Variants in CSMD1 observed in about 807,000 individuals in gnomAD.
CSMD1 encodes CUB and Sushi multiple domains 1, also known as CUB and sushi domain-containing protein 1.
A neutral mutation model predicts 417.5 loss-of-function variants in CSMD1; 213 were observed. The ratio of observed to expected loss-of-function variants is 0.51; its 90% confidence interval spans 0.46 to 0.57. The LOEUF (loss-of-function observed/expected upper bound fraction) is 0.57. Among genes scored for constraint, CSMD1 ranks in the 20% least tolerant of loss-of-function variants. CSMD1 has a pLI of 0.00. For synonymous variants in CSMD1, 2,862 were observed against 1,736.8 expected (o/e 1.65, Z -16.11); for missense variants, 6,923 against 4,529.7 (o/e 1.53, Z -15.17).
At position 4,969,770 on chromosome 8, in the gene CSMD1, A is replaced by G. The variant is rs552874615; in HGVS notation, c.85+24562T>C. Among the ~76,000 whole-genome samples the G allele has an allele frequency of 9.9e-5, 15 of 152,160 alleles. No homozygotes were observed. The South Asian group carries it at 3.1e-3, about 32-fold the overall frequency. On this transcript the variant is annotated intron_variant, in intron 1 of 69. Transcript: ENST00000635120. ...ACTGTTTTGATTTCCTGAGAAGACA[A>G]TGAGGCTGCTATGTGGAACTTTAAC...
In CSMD1 at chr8:3,792,997, G is replaced by A. The variant is rs531545569; in HGVS notation, c.819-38955C>T. Among the ~76,000 whole-genome samples the A allele has an allele frequency of 3.9e-5, 6 of 152,258 alleles. No homozygotes were observed. The East Asian group carries it at 5.8e-4, about 15-fold the overall frequency. ...TCTAGAACCATCCACTCTACCACAG[G>A]TGTGAATTTCCTCACTCTGCTTAAA... On this transcript the variant is annotated intron_variant, in intron 5 of 69. Transcript: ENST00000635120.
At chr8:4,171,674 G>T (rs777999947) in intron 3 of CSMD1, among the ~76,000 whole-genome samples, 1 of 151,386 alleles carries the variant, frequency 6.6e-6, no homozygotes, top group East Asian at 1.9e-4. Flanking sequence ...TAAACTGGTA[G>T]AATATTTAGA....
At chr8:3,881,137 A>G (rs553626260) in intron 5 of CSMD1, among the ~76,000 whole-genome samples, 2 of 152,332 alleles carry the variant, frequency 1.3e-5, no homozygotes, top group Non-Finnish European at 2.9e-5. Flanking sequence ...AAAAATGCAG[A>G]TATGTGCCAT....
chr8:4,501,068 G>C (rs1802236906), intron 2 of CSMD1, among the ~76,000 whole-genome samples: 1 of 151,872 alleles, frequency 6.6e-6, no homozygotes, highest in African/African-American at 2.4e-5. Flanking sequence ...GGCCAAAAAA[G>C]ATATAATAAC....
chr8:3,367,609 G>A lies in CSMD1; in HGVS notation c.2900-362C>T, dbSNP rs117951735. Among the ~76,000 whole-genome samples the A allele has an allele frequency of 1.8e-3, 268 of 152,078 alleles. 2 individuals carry two copies. The highest frequency in any genetic ancestry group is 3.4e-3 in the Middle Eastern group (1 of 294). Reference sequence around the variant, plus strand: ...TTTGAAGTTTAAGAGGAAAATTGGTGGAAAGAGGACGGCTTTAGAAATGAA... The same window carrying A: ...TTTGAAGTTTAAGAGGAAAATTGGTAGAAAGAGGACGGCTTTAGAAATGAA... On this transcript the variant is annotated intron_variant, in intron 19 of 69. Transcript: ENST00000635120.
At chr8:4,687,295 A>G (rs1806454863) in intron 1 of CSMD1, among the ~76,000 whole-genome samples, 1 of 152,228 alleles carries the variant, frequency 6.6e-6, no homozygotes, top group Admixed American at 6.5e-5. Context: ...TACTGAGGAC[A>G]GAGGATGATG....
At chr8:3,990,726 G>T (rs1023433302) in intron 5 of CSMD1, among the ~76,000 whole-genome samples, 2 of 152,182 alleles carry the variant, frequency 1.3e-5, no homozygotes, top group Non-Finnish European at 2.9e-5. Context: ...CAATAAGACA[G>T]TCGATGGCTT....
intron 12 of CSMD1, among the ~76,000 whole-genome samples, chr8:3,449,082 T>A (rs997935812): frequency 6.6e-6 from 1 of 151,726 alleles, no homozygotes; most frequent in African/African-American, 2.4e-5. Context: ...GTTGCCTGTC[T>A]TCCAATCCAT....
In CSMD1 at chr8:4,201,455, A is replaced by G. The variant is rs561235582; in HGVS notation, c.416-169356T>C. Among the ~76,000 whole-genome samples the G allele has an allele frequency of 1.4e-4, 20 of 143,108 alleles. 1 individual carries two copies. Among genetic ancestry groups the G allele is most frequent in the Non-Finnish European group, 1.8e-4 (12 of 66,232 alleles). The allele number at this position is 143,108 out of a possible 152,430, so 93.9% of individuals were successfully genotyped here. On this transcript the variant is annotated intron_variant, in intron 3 of 69. Coordinates refer to ENST00000635120, the MANE Select transcript of CSMD1 (RefSeq NM_033225.6). ...CAGGAGGCTGAGGCAGGAGAATGGC[A>G]TGAACACGGGAGGCGGAGCTTGCAG...
intron 26 of CSMD1, among the ~76,000 whole-genome samples, chr8:3,275,237 A>C (rs185414487): frequency 8.5e-5 from 13 of 152,228 alleles, no homozygotes; most frequent in Admixed American, 4.6e-4. Context: ...TCTTTTCTTT[A>C]AGAATGTTGA....
chr8:3,992,776 G>A (rs1337348829), intron 5 of CSMD1, among the ~76,000 whole-genome samples: 1 of 152,198 alleles, frequency 6.6e-6, no homozygotes, highest in African/African-American at 2.4e-5. Context: ...AGGAGACCCA[G>A]TACTAACATT....
chr8:4,262,928 A>G (rs915195784), intron 3 of CSMD1, among the ~76,000 whole-genome samples: 3 of 152,338 alleles, frequency 2.0e-5, no homozygotes, highest in Admixed American at 2.0e-4. Context: ...ATGATGAACC[A>G]TAAGAACATT....
intron 12 of CSMD1, among the ~76,000 whole-genome samples, chr8:3,439,469 A>C (rs1814825535): frequency 7.0e-6 from 1 of 143,614 alleles, no homozygotes; most frequent in African/African-American, 2.6e-5. Context: ...AACATATCCT[A>C]ACTCTGTGAC....
intron 26 of CSMD1, among the ~76,000 whole-genome samples, chr8:3,251,851 T>G (rs1465486188): frequency 6.6e-6 from 1 of 152,240 alleles, no homozygotes; most frequent in Non-Finnish European, 1.5e-5. Context: ...TCACTCATGA[T>G]TTGGCTCTTT....
At chr8:2,995,951 G>C (rs1013776075) in intron 54 of CSMD1, among the ~76,000 whole-genome samples, 1 of 152,154 alleles carries the variant, frequency 6.6e-6, no homozygotes, top group African/African-American at 2.4e-5. Flanking sequence ...GGATTCTAGT[G>C]ATAATGGACA....
chr8:4,990,085 G>A (rs867548863), intron 1 of CSMD1, among the ~76,000 whole-genome samples: 7 of 152,268 alleles, frequency 4.6e-5, no homozygotes, highest in Middle Eastern at 3.4e-3. Context: ...CTTGAGACAT[G>A]GGGGAATTCT....
intron 3 of CSMD1, among the ~76,000 whole-genome samples, chr8:4,188,057 G>A (rs1798787437): frequency 6.6e-6 from 1 of 151,972 alleles, no homozygotes; most frequent in South Asian, 2.1e-4. Flanking sequence ...CCTAGTCATA[G>A]GTGATTTAAA....
chr8:3,199,160 A>C (rs567940594), intron 33 of CSMD1, among the ~76,000 whole-genome samples: 1 of 152,338 alleles, frequency 6.6e-6, no homozygotes, highest in Admixed American at 6.5e-5. Flanking sequence ...AAAGGTTTAA[A>C]TTAAAAGATA....
chr8:3,812,058 T>C (rs1801121273), intron 5 of CSMD1, among the ~76,000 whole-genome samples: 1 of 152,202 alleles, frequency 6.6e-6, no homozygotes, highest in African/African-American at 2.4e-5. Context: ...ATAAAGCATT[T>C]CACGATTTCA....
Sources: gnomAD v4.1 joint callset for allele counts (sites outside exome capture counted in the v4.1 genomes callset) on GRCh38, gnomAD v4.1.1 for gene constraint, MANE v1.5 for transcripts, NCBI Gene and HGNC (gene_info 2026-07-23, HGNC 2026-07-21) for gene names.